RIT2: variants seen among roughly 807,000 people sequenced by gnomAD.
RIT2 encodes Ras like without CAAX 2, also known as GTP-binding protein Rit2.
In RIT2, 24 loss-of-function variants were observed where a neutral mutation model predicts 23.7. That is an observed-to-expected ratio of 1.01 (90% CI 0.73 to 1.43). The LOEUF (loss-of-function observed/expected upper bound fraction) is 1.43, where lower values mean the gene tolerates loss of function less well. RIT2 is among the 40% of genes most tolerant of loss of function. The probability of loss-of-function intolerance (pLI) is 0.00; values close to 1 mark genes in which losing one functional copy is unlikely to be tolerated. For synonymous variants in RIT2, 107 were observed against 91.1 expected (o/e 1.17, Z -0.99); for missense variants, 236 against 266.9 (o/e 0.88, Z 0.81).
At chr18:42,859,968 T>C (rs183756020) in intron 4 of RIT2, among the ~76,000 whole-genome samples, 68 of 150,028 alleles carry the variant, frequency 4.5e-4, no homozygotes, top group Middle Eastern at 3.4e-3. Context: ...ACACATTTCA[T>C]TTCCTTGATT....
chr18:42,872,941 A>G (rs1907656824), intron 4 of RIT2, among the ~76,000 whole-genome samples: 1 of 152,216 alleles, frequency 6.6e-6, no homozygotes, highest in Non-Finnish European at 1.5e-5. Flanking sequence ...CTATAGATGT[A>G]TAACAATGAG....
chr18:42,914,328 A>C (rs186810088), intron 4 of RIT2, among the ~76,000 whole-genome samples: 38 of 152,252 alleles, frequency 2.5e-4, no homozygotes, highest in African/African-American at 8.7e-4. Flanking sequence ...TATGTTCCAC[A>C]GAAACTTGTG....
At chr18:42,787,526 T>C (rs557563689) in intron 4 of RIT2, among the ~76,000 whole-genome samples, 6 of 152,348 alleles carry the variant, frequency 3.9e-5, no homozygotes, top group African/African-American at 1.2e-4. Context: ...GCTCAAGCTA[T>C]GTTTTCCAAA....
chr18:42,837,128 T>A (rs1007694675), intron 4 of RIT2, among the ~76,000 whole-genome samples: 1 of 141,890 alleles, frequency 7.0e-6, no homozygotes, highest in African/African-American at 2.6e-5. Flanking sequence ...TAAAGTGCTA[T>A]AAAAATTTCT....
chr18:42,840,174 C>T (rs547261401), intron 4 of RIT2, among the ~76,000 whole-genome samples: 22 of 152,344 alleles, frequency 1.4e-4, no homozygotes, highest in African/African-American at 5.0e-4. Context: ...TCTCACTTCT[C>T]TGCCTGCCTT....
intron 4 of RIT2, among the ~76,000 whole-genome samples, chr18:42,851,960 A>C (rs1321450544): frequency 6.6e-6 from 1 of 152,204 alleles, no homozygotes; most frequent in Non-Finnish European, 1.5e-5. Flanking sequence ...TGCAGGATAC[A>C]TGGGATCCCA....
chr18:42,859,138 T>A (rs1045014953), intron 4 of RIT2, among the ~76,000 whole-genome samples: 4 of 152,318 alleles, frequency 2.6e-5, no homozygotes, highest in African/African-American at 7.2e-5. Flanking sequence ...TGAACTTTGT[T>A]CCACAGAGGG....
At chr18:42,858,562 C>G (rs1907247838) in intron 4 of RIT2, among the ~76,000 whole-genome samples, 1 of 152,152 alleles carries the variant, frequency 6.6e-6, no homozygotes, top group African/African-American at 2.4e-5. Flanking sequence ...AATTAACATA[C>G]CATAAAATTG....
chr18:42,985,993 G>A (rs531738173), intron 2 of RIT2, among the ~76,000 whole-genome samples: 2 of 151,234 alleles, frequency 1.3e-5, no homozygotes, highest in East Asian at 1.9e-4. Flanking sequence ...AATAAAGTGG[G>A]TGTAACAACA....
In RIT2 at chr18:42,821,428, G is replaced by A. The variant is rs550793248; in HGVS notation, c.427-77708C>T. 2.6e-5 allele frequency among the ~76,000 whole-genome samples: 4 copies of A among 152,232 alleles called. 1 individual carries two copies. In the South Asian group the frequency reaches 8.3e-4, roughly 32 times the overall value. On this transcript the variant is annotated intron_variant, in intron 4 of 4. Coordinates refer to ENST00000326695, the MANE Select transcript of RIT2 (RefSeq NM_002930.4). ...CAGTTCATGCTGTGAAAATGTGGAT[G>A]ATAAGGCCGTAACTGTTACTTTAAA...
intron 1 of RIT2, among the ~76,000 whole-genome samples, chr18:43,037,263 A>G (rs1217519982): frequency 6.6e-6 from 1 of 152,216 alleles, no homozygotes; most frequent in Non-Finnish European, 1.5e-5. Flanking sequence ...TCATAAATCA[A>G]TATTTTGATC....
intron 4 of RIT2, among the ~76,000 whole-genome samples, chr18:42,870,585 G>T (rs1050241108): frequency 6.6e-6 from 1 of 152,058 alleles, no homozygotes; most frequent in Non-Finnish European, 1.5e-5. Flanking sequence ...TTCTCAAAAG[G>T]TATGAAATCC....
rs1214761385 is a variant in RIT2 at position 42,920,228 on chromosome 18, A to G, written c.426+3344T>C. Among the ~76,000 whole-genome samples the G allele has an allele frequency of 5.3e-5, 8 of 152,300 alleles. No homozygotes were observed. The East Asian group carries it at 1.5e-3, about 29-fold the overall frequency. On this transcript the variant is annotated intron_variant, in intron 4 of 4. Coordinates refer to ENST00000326695, the MANE Select transcript of RIT2 (RefSeq NM_002930.4). ...AGTATCTTGAAGCTGATATAAAAAA[A>G]TAAGTTCATGATAAAATGACAATGG...
At chr18:42,783,265 G>A (rs1337047248) in intron 4 of RIT2, among the ~76,000 whole-genome samples, 1 of 151,976 alleles carries the variant, frequency 6.6e-6, no homozygotes, top group Non-Finnish European at 1.5e-5. Flanking sequence ...TCCAAAAAAT[G>A]GAACCTAAGC....
At chr18:42,858,521 A>C (rs1907246218) in intron 4 of RIT2, among the ~76,000 whole-genome samples, 1 of 152,236 alleles carries the variant, frequency 6.6e-6, no homozygotes, top group Admixed American at 6.5e-5. Context: ...TTGCCCCATT[A>C]GAATTTTTTA....
intron 4 of RIT2, among the ~76,000 whole-genome samples, chr18:42,798,939 A>T (rs1905447587): frequency 6.6e-6 from 1 of 152,234 alleles, no homozygotes; most frequent in South Asian, 2.1e-4. Context: ...GGTTTTTCAC[A>T]GGTCTTTAAT....
At chr18:42,922,275 A>G (rs1909073765) in intron 4 of RIT2, among the ~76,000 whole-genome samples, 1 of 152,186 alleles carries the variant, frequency 6.6e-6, no homozygotes, top group African/African-American at 2.4e-5. Context: ...ATGAAAATTC[A>G]TATTTATAAT....
At chr18:42,810,997 C>T (rs1340703034) in intron 4 of RIT2, among the ~76,000 whole-genome samples, 1 of 151,932 alleles carries the variant, frequency 6.6e-6, no homozygotes, top group Non-Finnish European at 1.5e-5. Context: ...TAGTTTCTGC[C>T]ATTCTCTCAC....
chr18:43,111,084 T>G (rs1913941211), intron 1 of RIT2, among the ~76,000 whole-genome samples: 1 of 152,126 alleles, frequency 6.6e-6, no homozygotes. Flanking sequence ...AAAATAAATG[T>G]GGTATATATA....
Sources: allele counts gnomAD v4.1 joint callset (sites outside exome capture counted in the v4.1 genomes callset), GRCh38; gene constraint gnomAD v4.1.1; transcripts MANE v1.5; gene names NCBI Gene and HGNC (gene_info 2026-07-23, HGNC 2026-07-21).